ASH1L: variants seen among roughly 807,000 people sequenced by gnomAD.
ASH1L encodes ASH1 like histone lysine methyltransferase, also known as histone-lysine N-methyltransferase ASH1L.
A neutral mutation model predicts 269.0 loss-of-function variants in ASH1L; 23 were observed. The ratio of observed to expected loss-of-function variants is 0.09; its 90% CI spans 0.06 to 0.12. The LOEUF (loss-of-function observed/expected upper bound fraction) is 0.12. Ranked by LOEUF, ASH1L falls within the 10% of genes least tolerant of loss-of-function variation. The pLI is 1.00. For synonymous variants in ASH1L, 1,187 were observed against 1,253.5 expected (o/e 0.95, Z 1.12); for missense variants, 2,912 against 3,567.8 (o/e 0.82, Z 4.68).
chr1:155,434,503 TA>T (rs777553969), intron 5 of ASH1L, among the ~76,000 whole-genome samples: 3,079 of 70,222 alleles, frequency 0.044, 37 homozygotes, highest in Middle Eastern at 0.091. Flanking sequence ...TGGGACACAG[TA>T]AAAAAAAAAA....
intron 6 of ASH1L, among the ~76,000 whole-genome samples, chr1:155,414,497 C>T (rs554910468): frequency 2.6e-5 from 4 of 152,072 alleles, no homozygotes; most frequent in South Asian, 4.2e-4. Context: ...TTAGTAGAAA[C>T]GGGGTTTCTC....
intron 6 of ASH1L, among the ~76,000 whole-genome samples, chr1:155,405,969 C>T (rs186540192): frequency 1.3e-5 from 2 of 151,818 alleles, no homozygotes; most frequent in Non-Finnish European, 1.5e-5. Flanking sequence ...TTTGGGAGGC[C>T]GAGGCGGATG....
At chr1:155,382,496 TCAAA>T (rs796904417) in intron 7 of ASH1L, among the ~76,000 whole-genome samples, 42 of 152,216 alleles carry the variant, frequency 2.8e-4, no homozygotes, top group African/African-American at 8.7e-4. Flanking sequence ...AGACTCTGTC[TCAAA>T]CAAACAAACA....
At chr1:155,483,002 A>G (rs1219257663) in intron 2 of ASH1L, among the ~76,000 whole-genome samples, 1 of 152,180 alleles carries the variant, frequency 6.6e-6, no homozygotes, top group Non-Finnish European at 1.5e-5. Context: ...TGGAATAGGA[A>G]AGACAATTTA....
At chr1:155,406,245 T>C (rs1450923595) in intron 6 of ASH1L, among the ~76,000 whole-genome samples, 1 of 150,730 alleles carries the variant, frequency 6.6e-6, no homozygotes, top group African/African-American at 2.4e-5. Flanking sequence ...CTTCCCAAAT[T>C]GATCTAGAGT....
chr1:155,417,858 T>A (rs1660343787), intron 5 of ASH1L, among the ~76,000 whole-genome samples: 1 of 151,810 alleles, frequency 6.6e-6, no homozygotes, highest in Non-Finnish European at 1.5e-5. Flanking sequence ...CTCGGGAGGC[T>A]GATGCAGGGG....
At chr1:155,458,035 C>A (rs1304972351) in intron 4 of ASH1L, among the ~76,000 whole-genome samples, 1 of 152,146 alleles carries the variant, frequency 6.6e-6, no homozygotes, top group Non-Finnish European at 1.5e-5. Flanking sequence ...TTGAGGGCTA[C>A]ACAAAAACAG....
chr1:155,551,284 A>G (rs1026158605), intron 1 of ASH1L, among the ~76,000 whole-genome samples: 37 of 151,408 alleles, frequency 2.4e-4, no homozygotes, highest in Middle Eastern at 3.4e-3. Context: ...CTCGGGGGGG[A>G]AAAATTTTTG....
chr1:155,405,251 G>T (rs1025023793), intron 6 of ASH1L, among the ~76,000 whole-genome samples: 8 of 151,852 alleles, frequency 5.3e-5, no homozygotes, highest in African/African-American at 9.7e-5. Flanking sequence ...GGGGCTGAGG[G>T]GGGGGCAGAT....
Position 155,438,912 on chromosome 1 carries a change from C to A in ASH1L, c.5243G>T (p.Ser1748Ile). ...IATASAPPSS[S>I]PGRSHSKDRT... ...GTCCTTGCTGTGGCTACGGCCTGGA[C>A]TGGAAGAAGGTGGTGCAGAGGCAGT... Residue 1748 changes from serine (S) to isoleucine (I), a missense_variant, in exon 5 of 28, where the codon AGT (serine) becomes ATT (isoleucine). Physicochemically the swap from Ser to Ile is moderately radical, Grantham distance 142. Around this residue, in one of 13 missense-constraint regions of ASH1L, gnomAD observed 789 missense variants for 897.6 expected, o/e 0.88. Coordinates refer to ENST00000392403, the MANE Select transcript of ASH1L (RefSeq NM_018489.3). The A allele has an allele frequency of 6.2e-7, 1 of 1,614,140 alleles. No individual in the cohort carries two copies. The highest frequency in any genetic ancestry group is 8.5e-7 in the Non-Finnish European group (1 of 1,180,038).
At chr1:155,389,968 T>G (rs1292403976) in intron 7 of ASH1L, among the ~76,000 whole-genome samples, 1 of 151,730 alleles carries the variant, frequency 6.6e-6, no homozygotes. Flanking sequence ...TTTCATTTCT[T>G]CCTTCCTGAT....
rs949959114 is a variant in ASH1L, at chr1:155,562,633, G to C, written c.-580C>G. 6.6e-7 allele frequency: 1 copy of C among 1,525,858 alleles called. No homozygotes were observed. The highest frequency in any genetic ancestry group is 1.4e-5 in the African/African-American group (1 of 72,804). 94.5% of individuals were successfully genotyped at this position (1,525,858 alleles called of 1,614,324 possible). Reference sequence around the variant, plus strand: ...GCGTACGAGTGTCTACGGGCTCGTCGCTGGCTGCTCCCACCAACCACCACC... The same window carrying C: ...GCGTACGAGTGTCTACGGGCTCGTCCCTGGCTGCTCCCACCAACCACCACC... On this transcript the variant is annotated 5_prime_UTR_variant, in exon 1 of 28. Transcript: ENST00000392403.
At chr1:155,371,564 A>T (rs1023835943) in intron 10 of ASH1L, among the ~76,000 whole-genome samples, 3 of 152,138 alleles carry the variant, frequency 2.0e-5, no homozygotes, top group Non-Finnish European at 4.4e-5. Flanking sequence ...AATAAATAAA[A>T]TAAATAAATA....
At chr1:155,552,117 G>C (rs1338285168) in intron 1 of ASH1L, among the ~76,000 whole-genome samples, 1 of 152,162 alleles carries the variant, frequency 6.6e-6, no homozygotes, top group Admixed American at 6.6e-5. Flanking sequence ...ATCTTGTTTT[G>C]TCCATCACTG....
intron 3 of ASH1L, among the ~76,000 whole-genome samples, chr1:155,466,171 G>C (rs1332024775): frequency 6.6e-6 from 1 of 152,042 alleles, no homozygotes; most frequent in Non-Finnish European, 1.5e-5. Flanking sequence ...TGGCTAACAC[G>C]GTGAAACCCC....
intron 12 of ASH1L, among the ~76,000 whole-genome samples, chr1:155,369,772 T>A (rs1356430125): frequency 6.6e-6 from 1 of 152,080 alleles, no homozygotes; most frequent in Non-Finnish European, 1.5e-5. Flanking sequence ...ATATTAGGTA[T>A]TATTATTATT....
chr1:155,391,200 C>A (rs1257836402), intron 7 of ASH1L, among the ~76,000 whole-genome samples: 1 of 152,202 alleles, frequency 6.6e-6, no homozygotes, highest in Non-Finnish European at 1.5e-5. Context: ...CCTGCCTCAG[C>A]CTCCCAAAGT....
At chr1:155,561,355 A>G (rs2148934660) in intron 1 of ASH1L, among the ~76,000 whole-genome samples, 1 of 138,680 alleles carries the variant, frequency 7.2e-6, no homozygotes, top group Non-Finnish European at 1.6e-5. Flanking sequence ...TCTTAAGACC[A>G]CAACTGGCTA....
Position 155,344,282 on chromosome 1 carries a change from A to G in ASH1L, c.7891-9T>C, listed in dbSNP as rs1207651427. ...GGGATCATGGGAACCTCCTGATAGG[A>G]GCAGAAAGCCAATGTATAAGGGCTG... On this transcript the variant is annotated splice_polypyrimidine_tract_variant and intron_variant, in intron 21 of 27. Transcript: ENST00000392403. 1 of 1,607,812 alleles carries G rather than the reference A, an allele frequency of 6.2e-7. No individual in the cohort carries two copies.
Sources: allele counts gnomAD v4.1 joint callset (sites outside exome capture counted in the v4.1 genomes callset), GRCh38; gene constraint gnomAD v4.1.1; regional missense constraint gnomAD v4.1.1; transcripts MANE v1.5; gene names NCBI Gene and HGNC (gene_info 2026-07-23, HGNC 2026-07-21).